The following MED12L variants were observed in gnomAD, a reference collection of about 807,000 sequenced individuals.
The protein encoded by MED12L is mediator complex subunit 12L, also known as mediator of RNA polymerase II transcription subunit 12-like protein.
Under a neutral mutation model 281.3 loss-of-function variants are expected in MED12L, and 60 were observed. That is an observed-to-expected ratio of 0.21 (90% confidence interval 0.17 to 0.26). The LOEUF is 0.26. MED12L is among the 10% of genes least tolerant of loss of function. The probability of loss-of-function intolerance (pLI) is 1.00; values close to 1 mark genes in which losing one functional copy is unlikely to be tolerated. For synonymous variants in MED12L, 974 were observed against 987.2 expected, an observed-to-expected ratio of 0.99 and a Z score of 0.25; for missense variants, 2,146 against 2,680.9, an observed-to-expected ratio of 0.80 and a Z score of 4.41.
chr3:151,413,433 C>T (rs1717180709), intron 42 of MED12L, 138 bp downstream of exon 42: 3 of 1,052,782 alleles, frequency 2.8e-6, no homozygotes, highest in Non-Finnish European at 4.1e-6. Context: ...CTAGGAGCTA[C>T]ATTGGTACAA....
At chr3:151,145,593 T>C (rs1717655735) in intron 5 of MED12L, among the ~76,000 whole-genome samples, 1 of 152,232 alleles carries the variant, frequency 6.6e-6, no homozygotes, top group Non-Finnish European at 1.5e-5. Flanking sequence ...GTTGCGATAT[T>C]GTACTATAGA....
Position 151,208,686 on chromosome 3 carries a change from GA to G in MED12L, c.2250+15024del, listed in dbSNP as rs1288035873. Among the ~76,000 whole-genome samples the G allele has an allele frequency of 2.0e-5, 3 of 152,040 alleles. No homozygotes were observed. In the South Asian group the frequency reaches 6.2e-4, roughly 32 times the overall value. ...AGAGCAAGACTCTATGTCAAAAAAA[GA>G]AAACAGAAAAATCAAGAATTTAAGT... On this transcript the variant is annotated intron_variant, in intron 16 of 44. Coordinates refer to ENST00000687756, the MANE Select transcript of MED12L (RefSeq NM_001393769.1).
At chr3:151,157,778 G>C (rs1251414932) in intron 6 of MED12L, among the ~76,000 whole-genome samples, 1 of 152,168 alleles carries the variant, frequency 6.6e-6, no homozygotes, top group Non-Finnish European at 1.5e-5. Context: ...AACCATTGCA[G>C]TGGAACACTG....
chr3:151,417,562 T>G (rs1375293624), intron 43 of MED12L, among the ~76,000 whole-genome samples: 1 of 128,660 alleles, frequency 7.8e-6, no homozygotes, highest in East Asian at 2.6e-4. Context: ...CTCAGCTCAC[T>G]GCAACCTCCT....
Position 151,432,812 on chromosome 3 carries a change from A to G in MED12L, c.*8A>G, listed in dbSNP as rs1719686766. On this transcript the variant is annotated 3_prime_UTR_variant, in exon 45 of 45. Coordinates refer to ENST00000687756, the MANE Select transcript of MED12L (RefSeq NM_001393769.1). ...CATCCTTCACACTTCTGAATCTGCAAGAGGAGAAGACATGACGTTTTATGT... is the reference window on the plus strand; with the variant it reads ...CATCCTTCACACTTCTGAATCTGCAGGAGGAGAAGACATGACGTTTTATGT... 7 of 1,610,440 alleles carry G rather than the reference A, an allele frequency of 4.3e-6. No homozygotes were observed. The highest frequency in any genetic ancestry group is 3.4e-6 in the Non-Finnish European group (4 of 1,177,242).
At chr3:151,330,428 TG>T (rs1750221164) in intron 16 of MED12L, among the ~76,000 whole-genome samples, 2 of 152,236 alleles carry the variant, frequency 1.3e-5, no homozygotes, top group South Asian at 4.1e-4. Flanking sequence ...GCATTTTTTT[TG>T]CTTTAATTCT....
intron 16 of MED12L, chr3:151,338,843 C>T: frequency 1.2e-6 from 2 of 1,613,278 alleles, no homozygotes; most frequent in Non-Finnish European, 1.7e-6. Context: ...CGACGGCTTG[C>T]ATTTCTTGTT....
At chr3:151,354,423 AT>A (rs1423375545) in intron 17 of MED12L, among the ~76,000 whole-genome samples, 1 of 152,084 alleles carries the variant, frequency 6.6e-6, no homozygotes, top group African/African-American at 2.4e-5. Context: ...GAATGATTTA[AT>A]TTTTTGCCAC....
chr3:151,371,123 G>T (rs1756130911), intron 26 of MED12L, among the ~76,000 whole-genome samples: 1 of 152,122 alleles, frequency 6.6e-6, no homozygotes, highest in South Asian at 2.1e-4. Context: ...GGGGCTAGCA[G>T]GTACTGTTTT....
intron 32 of MED12L, among the ~76,000 whole-genome samples, chr3:151,382,092 C>T (rs1288892123): frequency 1.3e-5 from 2 of 152,084 alleles, no homozygotes; most frequent in Non-Finnish European, 2.9e-5. Context: ...TAGTGTGAGT[C>T]AGTGAGGAAG....
chr3:151,215,596 T>A (rs984905658), intron 16 of MED12L, among the ~76,000 whole-genome samples: 5 of 152,228 alleles, frequency 3.3e-5, no homozygotes, highest in Admixed American at 6.5e-5. Context: ...TCCTGTATAT[T>A]CTTCACTGAT....
chr3:151,134,177 GT>G (rs1434035761), intron 5 of MED12L, among the ~76,000 whole-genome samples: 1 of 143,758 alleles, frequency 7.0e-6, no homozygotes, highest in Admixed American at 6.9e-5. Flanking sequence ...ATCCCTTGCT[GT>G]TGTGGGGTTG....
chr3:151,260,600 C>G (rs1738680547), intron 16 of MED12L, among the ~76,000 whole-genome samples: 1 of 152,092 alleles, frequency 6.6e-6, no homozygotes, highest in Non-Finnish European at 1.5e-5. Context: ...ATCCTCCTGC[C>G]ACAGTCTACC....
chr3:151,375,895 T>G, intron 27 of MED12L, 131 bp from the exon 28 acceptor site: 1 of 515,824 alleles, frequency 1.9e-6, no homozygotes, highest in Non-Finnish European at 3.0e-6. Flanking sequence ...ACCTACTTTT[T>G]AATGTAATTT....
At chr3:151,302,798 A>C (rs965684406) in intron 16 of MED12L, among the ~76,000 whole-genome samples, 4 of 152,174 alleles carry the variant, frequency 2.6e-5, no homozygotes, top group African/African-American at 9.7e-5. Context: ...GTTTACTAAG[A>C]GTCTGCTCAT....
At chr3:151,344,407 T>A (rs542915223) in intron 16 of MED12L, among the ~76,000 whole-genome samples, 1 of 152,244 alleles carries the variant, frequency 6.6e-6, no homozygotes, top group African/African-American at 2.4e-5. Context: ...GATGGAACAT[T>A]TATATGAACT....
chr3:151,216,002 C>T (rs1239798873), intron 16 of MED12L, among the ~76,000 whole-genome samples: 1 of 152,166 alleles, frequency 6.6e-6, no homozygotes. Context: ...CCTTAGGAAA[C>T]CTCAACTTTC....
intron 11 of MED12L, among the ~76,000 whole-genome samples, chr3:151,175,359 C>G (rs968766619): frequency 1.3e-5 from 2 of 152,106 alleles, no homozygotes; most frequent in African/African-American, 4.8e-5. Flanking sequence ...TCCTTTTAGT[C>G]TAAGATTAAA....
intron 2 of MED12L, among the ~76,000 whole-genome samples, chr3:151,113,845 A>T (rs1385862334): frequency 6.6e-6 from 1 of 152,202 alleles, no homozygotes; most frequent in Non-Finnish European, 1.5e-5. Flanking sequence ...TACAATGAGC[A>T]GCTATCTGAT....
Sources: allele counts gnomAD v4.1 joint callset (sites outside exome capture counted in the v4.1 genomes callset), GRCh38; gene constraint gnomAD v4.1.1; transcripts MANE v1.5; gene names NCBI Gene and HGNC (gene_info 2026-07-23, HGNC 2026-07-21).